Variants in BNC2 observed in about 807,000 individuals in gnomAD.
BNC2 encodes the protein basonuclin zinc finger protein 2.
In BNC2, 20 loss-of-function variants were observed where a neutral mutation model predicts 76.3. The ratio of observed to expected loss-of-function variants is 0.26; its 90% confidence interval spans 0.18 to 0.38. BNC2 has a LOEUF of 0.38. Ranked by LOEUF, BNC2 falls within the 10% of genes least tolerant of loss-of-function variation. The pLI, the probability that BNC2 is intolerant of heterozygous loss-of-function variation, is 1.00. For synonymous variants in BNC2, 582 were observed against 514.8 expected (o/e 1.13, Z -1.77); for missense variants, 1,382 against 1,399.8 (o/e 0.99, Z 0.20).
At chr9:16,556,593 C>T (rs955527862) in intron 4 of BNC2, among the ~76,000 whole-genome samples, 1 of 151,748 alleles carries the variant, frequency 6.6e-6, no homozygotes, top group African/African-American at 2.4e-5. Context: ...TATGGTGAAA[C>T]CCTGTTTCTA....
At chr9:16,845,182 T>C (rs142823914) in intron 1 of BNC2, among the ~76,000 whole-genome samples, 1 of 152,240 alleles carries the variant, frequency 6.6e-6, no homozygotes. Flanking sequence ...AGCCTATCAG[T>C]GTAAATTCGG....
intron 4 of BNC2, among the ~76,000 whole-genome samples, chr9:16,569,278 C>T (rs1209686059): frequency 6.6e-6 from 1 of 151,774 alleles, no homozygotes; most frequent in Non-Finnish European, 1.5e-5. Context: ...TATAAATACT[C>T]TCATGGTTTA....
chr9:16,621,475 G>A (rs147469453), intron 3 of BNC2, among the ~76,000 whole-genome samples: 7 of 152,204 alleles, frequency 4.6e-5, no homozygotes, highest in Admixed American at 1.3e-4. Context: ...CATTTGCCAA[G>A]GAATCAAAAA....
At chr9:16,648,395 T>C (rs958918244) in intron 3 of BNC2, among the ~76,000 whole-genome samples, 4 of 152,218 alleles carry the variant, frequency 2.6e-5, no homozygotes, top group African/African-American at 7.2e-5. Context: ...AAGGACTGCA[T>C]GGTGATAGCA....
chr9:16,456,367 A>G (rs1821448621), intron 5 of BNC2, among the ~76,000 whole-genome samples: 1 of 151,964 alleles, frequency 6.6e-6, no homozygotes. Context: ...TTACCCCACT[A>G]GATCAAAAAG....
At chr9:16,424,834 T>C (rs1049371243) in intron 6 of BNC2, among the ~76,000 whole-genome samples, 1 of 152,230 alleles carries the variant, frequency 6.6e-6, no homozygotes, top group African/African-American at 2.4e-5. Context: ...CTTATCTGGA[T>C]TGCTACAACA....
intron 5 of BNC2, among the ~76,000 whole-genome samples, chr9:16,513,507 A>G (rs1353447304): frequency 6.6e-6 from 1 of 151,912 alleles, no homozygotes; most frequent in Non-Finnish European, 1.5e-5. Context: ...GGGTTTCACC[A>G]TATTAGCCAG....
rs568955982 is a variant in BNC2, at chr9:16,506,513, C to CTTTTTTTTTTT, written c.669+46006_669+46016dup. 7.4e-4 allele frequency among the ~76,000 whole-genome samples: 32 copies of CTTTTTTTTTTT among 43,340 alleles called. 6 individuals are homozygous for CTTTTTTTTTTT. The highest frequency in any genetic ancestry group is 2.4e-3 in the African/African-American group (30 of 12,400). The allele number at this position is 43,340 out of a possible 152,430, so 28.4% of individuals were successfully genotyped here. ...GTACACTTCTCTCTCTCTCTCTCCT[C>CTTTTTTTTTTT]TTTTTTTTTTTTTTTTTTTTTTTTT... On this transcript the variant is annotated intron_variant, in intron 5 of 6. Coordinates refer to ENST00000380672, the MANE Select transcript of BNC2 (RefSeq NM_017637.6).
intron 1 of BNC2, among the ~76,000 whole-genome samples, chr9:16,773,245 C>CA (rs1825875864): frequency 6.6e-6 from 1 of 152,162 alleles, no homozygotes; most frequent in South Asian, 2.1e-4. Context: ...CCAGATCATA[C>CA]AGTGAGTTGA....
At chr9:16,828,467 G>C (rs1415506080) in intron 1 of BNC2, among the ~76,000 whole-genome samples, 1 of 152,124 alleles carries the variant, frequency 6.6e-6, no homozygotes, top group Non-Finnish European at 1.5e-5. Flanking sequence ...GCTATAGTTA[G>C]GTAGTATGAA....
At chr9:16,725,217 T>TCACTCACACACACACA (rs929934068) in intron 3 of BNC2, among the ~76,000 whole-genome samples, 1 of 148,162 alleles carries the variant, frequency 6.7e-6, no homozygotes, top group Non-Finnish European at 1.5e-5. Flanking sequence ...TCTCTCTCTC[T>TCACTCACACACACACA]CACACACACA....
intron 3 of BNC2, among the ~76,000 whole-genome samples, chr9:16,621,370 G>T (rs1432056026): frequency 6.6e-6 from 1 of 152,154 alleles, no homozygotes; most frequent in Admixed American, 6.6e-5. Context: ...TCTGTGGTTA[G>T]CAAAACTGAG....
At chr9:16,644,836 CTTTCTT>C (rs1821581340) in intron 3 of BNC2, among the ~76,000 whole-genome samples, 1 of 152,180 alleles carries the variant, frequency 6.6e-6, no homozygotes, top group African/African-American at 2.4e-5. Flanking sequence ...TTCTCTTTCT[CTTTCTT>C]TTCTTTTGGC....
chr9:16,496,701 A>G (rs1367067626), intron 5 of BNC2, among the ~76,000 whole-genome samples: 1 of 152,214 alleles, frequency 6.6e-6, no homozygotes, highest in African/African-American at 2.4e-5. Flanking sequence ...TGTGTTTATC[A>G]GGAGCAGGGG....
intron 5 of BNC2, among the ~76,000 whole-genome samples, chr9:16,515,205 C>T (rs527679944): frequency 6.6e-6 from 1 of 152,202 alleles, no homozygotes; most frequent in Non-Finnish European, 1.5e-5. Flanking sequence ...GGAATCATGT[C>T]AGCTCCAAGA....
chr9:16,538,995 G>T (rs146397627), intron 5 of BNC2, among the ~76,000 whole-genome samples: 42 of 152,052 alleles, frequency 2.8e-4, no homozygotes, highest in African/African-American at 9.9e-4. Context: ...ACTGAAAGCT[G>T]TAACAGAGGG....
chr9:16,431,375 G>A (rs563968406), intron 6 of BNC2: 1 of 439,950 alleles, frequency 2.3e-6, no homozygotes. Flanking sequence ...CAGAGTATGA[G>A]AAATGATGAA....
intron 4 of BNC2, among the ~76,000 whole-genome samples, chr9:16,568,427 T>C (rs1819226532): frequency 6.6e-6 from 1 of 152,140 alleles, no homozygotes; most frequent in African/African-American, 2.4e-5. Context: ...GCTCTTCATT[T>C]TTGCTAATAC....
chr9:16,686,597 GTT>G (rs1822985607), intron 3 of BNC2, among the ~76,000 whole-genome samples: 1 of 151,958 alleles, frequency 6.6e-6, no homozygotes, highest in African/African-American at 2.4e-5. Flanking sequence ...CCTCTGTTTT[GTT>G]TTCTTTGACT....
Sources: allele counts gnomAD v4.1 joint callset (sites outside exome capture counted in the v4.1 genomes callset), GRCh38; gene constraint gnomAD v4.1.1; transcripts MANE v1.5; gene names NCBI Gene and HGNC (gene_info 2026-07-23, HGNC 2026-07-21).